SLC35D4: variants seen among roughly 807,000 people sequenced by gnomAD.
SLC35D4 encodes the protein UDP-N-acetylglucosamine transporter SLC35D4.
At chr18:23,373,645 T>C in the SLC35D4 span, 2 of 1,559,778 alleles carry the variant, frequency 1.3e-6, no homozygotes, top group South Asian at 2.2e-5. Flanking sequence ...TAGGAAATTC[T>C]GGTCATACAC....
the SLC35D4 span, among the ~76,000 whole-genome samples, chr18:23,369,171 C>A: frequency 1.3e-5 from 2 of 152,194 alleles, no homozygotes; most frequent in South Asian, 2.1e-4. Context: ...AACCAGGCAT[C>A]CTGTATTTTA....
chr18:23,382,359 T>C, the SLC35D4 span, among the ~76,000 whole-genome samples: 1 of 151,648 alleles, frequency 6.6e-6, no homozygotes, highest in Non-Finnish European at 1.5e-5. Flanking sequence ...TGCTCCTGAA[T>C]CTCAGTGACC....
the SLC35D4 span, among the ~76,000 whole-genome samples, chr18:23,414,571 G>C: frequency 1.3e-5 from 2 of 151,978 alleles, no homozygotes; most frequent in African/African-American, 4.8e-5. Context: ...TTCCCGGGGG[G>C]CTGAGGCAAG....
At chr18:23,248,936 C>T in the SLC35D4 span, among the ~76,000 whole-genome samples, 3 of 152,362 alleles carry the variant, frequency 2.0e-5, no homozygotes, top group South Asian at 6.2e-4. Context: ...ACAAGCCACA[C>T]TGTAGAACTG....
chr18:23,399,636 A>G, the SLC35D4 span: 6 of 1,613,872 alleles, frequency 3.7e-6, no homozygotes, highest in South Asian at 5.5e-5. Context: ...AAGCCACACA[A>G]GAACATGAGA....
the SLC35D4 span, chr18:23,257,246 G>A: frequency 4.4e-6 from 7 of 1,605,760 alleles, no homozygotes; most frequent in South Asian, 1.1e-5. Flanking sequence ...GAGAAGTTCC[G>A]GCTGAACAGG....
chr18:23,430,568 C>T, the SLC35D4 span: 100 of 1,387,980 alleles, frequency 7.2e-5, 1 homozygote, highest in Admixed American at 2.0e-3. Flanking sequence ...AAAACTATTT[C>T]AAAGAATGAT....
the SLC35D4 span, among the ~76,000 whole-genome samples, chr18:23,284,902 G>A: frequency 1.3e-5 from 2 of 152,356 alleles, no homozygotes; most frequent in East Asian, 3.9e-4. Flanking sequence ...TGCTGTGAGA[G>A]TTAAGAGGCA....
the SLC35D4 span, among the ~76,000 whole-genome samples, chr18:23,379,577 A>G: frequency 2.0e-5 from 3 of 152,206 alleles, no homozygotes; most frequent in Admixed American, 2.0e-4. Flanking sequence ...CCAAAAGAAA[A>G]GGCCCCTTCC....
chr18:23,421,477 A>G, the SLC35D4 span: 4 of 1,601,942 alleles, frequency 2.5e-6, no homozygotes, highest in Non-Finnish European at 3.4e-6. Flanking sequence ...TGAATTTCAT[A>G]GAGTGCTACA....
At chr18:23,421,494 A>C in the SLC35D4 span, 1 of 1,552,388 alleles carries the variant, frequency 6.4e-7, no homozygotes, top group African/African-American at 1.4e-5. Context: ...TACAGTCTCC[A>C]ACACCATCCA....
chr18:23,351,860 C>A, the SLC35D4 span, among the ~76,000 whole-genome samples: 1 of 152,208 alleles, frequency 6.6e-6, no homozygotes. Context: ...ATGCCCCAAC[C>A]TGGCCATTTG....
chr18:23,425,132 G>A, the SLC35D4 span, among the ~76,000 whole-genome samples: 3 of 151,978 alleles, frequency 2.0e-5, no homozygotes, highest in Non-Finnish European at 4.4e-5. Context: ...GGACAGTCTC[G>A]CACTGTTGCC....
the SLC35D4 span, among the ~76,000 whole-genome samples, chr18:23,323,845 G>A: frequency 4.6e-5 from 7 of 152,052 alleles, no homozygotes; most frequent in Non-Finnish European, 1.0e-4. Context: ...TTGGGAGGCC[G>A]AGGCGGGTGG....
the SLC35D4 span, chr18:23,298,062 A>G: frequency 2.5e-6 from 4 of 1,613,768 alleles, no homozygotes; most frequent in African/African-American, 4.0e-5. Context: ...CGCACCGAGC[A>G]GGAGGCTGCA....
the SLC35D4 span, among the ~76,000 whole-genome samples, chr18:23,250,492 CAACCCAGAGATTT>C: frequency 3.9e-5 from 6 of 152,182 alleles, no homozygotes; most frequent in Admixed American, 3.9e-4. Flanking sequence ...ACGTCCCCTT[CAACCCAGAGATTT>C]AACCCAGAGG....
the SLC35D4 span, among the ~76,000 whole-genome samples, chr18:23,418,244 G>C: frequency 2.6e-5 from 4 of 151,686 alleles, no homozygotes; most frequent in African/African-American, 9.7e-5. Context: ...GATATAACAT[G>C]GTCAGGTACA....
the SLC35D4 span, among the ~76,000 whole-genome samples, chr18:23,408,183 C>A: frequency 6.8e-6 from 1 of 147,162 alleles, no homozygotes; most frequent in African/African-American, 2.5e-5. Context: ...ACACACACCC[C>A]TAACCTCTTA....
At chr18:23,248,504 C>T in the SLC35D4 span, among the ~76,000 whole-genome samples, 3 of 123,474 alleles carry the variant, frequency 2.4e-5, no homozygotes, top group South Asian at 7.6e-4. Context: ...TGTAGCAAGA[C>T]CCTATGTCTT....
Sources: gnomAD v4.1 joint callset for allele counts (sites outside exome capture counted in the v4.1 genomes callset) on GRCh38, gnomAD v4.1.1 for gene constraint, MANE v1.5 for transcripts, NCBI Gene and HGNC (gene_info 2026-07-23, HGNC 2026-07-21) for gene names.